Variants in KMT2C observed in about 807,000 individuals in gnomAD.
The protein encoded by KMT2C is lysine methyltransferase 2C.
In KMT2C, 88 loss-of-function variants were observed where a neutral mutation model predicts 507.9. The ratio of observed to expected loss-of-function variants is 0.17; its 90% CI spans 0.15 to 0.21. The LOEUF (loss-of-function observed/expected upper bound fraction) is 0.21. KMT2C is among the 10% of genes least tolerant of loss of function. The probability of loss-of-function intolerance (pLI) is 1.00; values close to 1 mark genes in which losing one functional copy is unlikely to be tolerated. For missense variants in KMT2C, 4,954 were observed against 5,957.8 expected, an observed-to-expected ratio of 0.83 and a Z score of 5.55; for synonymous variants, 2,049 against 2,080.8, an observed-to-expected ratio of 0.98 and a Z score of 0.42.
At chr7:152,302,889 C>T (rs1023322975) in intron 6 of KMT2C, among the ~76,000 whole-genome samples, 1 of 151,988 alleles carries the variant, frequency 6.6e-6, no homozygotes, top group African/African-American at 2.4e-5. Flanking sequence ...GGTGATCCAC[C>T]CGCCTCAGCC....
intron 1 of KMT2C, among the ~76,000 whole-genome samples, chr7:152,388,676 A>G (rs1769701615): frequency 6.6e-6 from 1 of 152,308 alleles, no homozygotes; most frequent in Non-Finnish European, 1.5e-5. Flanking sequence ...GTATGGCGAA[A>G]AAACACAATA....
intron 23 of KMT2C, among the ~76,000 whole-genome samples, chr7:152,215,650 A>G (rs559406941): frequency 5.4e-4 from 79 of 147,238 alleles, no homozygotes; most frequent in African/African-American, 2.0e-3. Context: ...GAAGGACAGT[A>G]AATAGTAGTA....
At chr7:152,272,863 T>C (rs1432847525) in intron 7 of KMT2C, among the ~76,000 whole-genome samples, 2 of 151,980 alleles carry the variant, frequency 1.3e-5, no homozygotes, top group Non-Finnish European at 2.9e-5. Flanking sequence ...CTGGAGAAGA[T>C]AGGAAAAAAG....
At chr7:152,365,918 C>G (rs750322922) in intron 1 of KMT2C, among the ~76,000 whole-genome samples, 6 of 151,952 alleles carry the variant, frequency 3.9e-5, no homozygotes, top group African/African-American at 9.7e-5. Context: ...AAAAACAACC[C>G]AACTCAAAAA....
rs571465802 is a variant in KMT2C, at chr7:152,418,090, G to A, written c.161+17536C>T. Among the ~76,000 whole-genome samples, 67 of 151,820 alleles carry A rather than the reference G, an allele frequency of 4.4e-4. 1 individual carries two copies. Among genetic ancestry groups the A allele is most frequent in the African/African-American group, 1.4e-3 (59 of 41,438 alleles). On this transcript the variant is annotated intron_variant, in intron 1 of 58. Transcript: ENST00000262189. ...CAAGTAGCTGGGACTACAGGTGTGCGCCACCACGCCCAGCTAATTTTTGTA... is the reference window on the plus strand; with the variant it reads ...CAAGTAGCTGGGACTACAGGTGTGCACCACCACGCCCAGCTAATTTTTGTA...
In KMT2C at chr7:152,358,695, TA is replaced by T. The variant is rs765736633; in HGVS notation, c.162-21del. The T allele has an allele frequency of 9.7e-6, 12 of 1,235,086 alleles. No homozygotes were observed. Among genetic ancestry groups the T allele is most frequent in the Non-Finnish European group, 1.2e-5 (10 of 855,312 alleles). The allele number at this position is 1,235,086 out of a possible 1,614,324, so 76.5% of individuals were successfully genotyped here. A position where few individuals can be genotyped will look rare whatever the true frequency, so the allele number is the denominator to read the frequency against. On this transcript the variant is annotated intron_variant, in intron 1 of 58. Coordinates refer to ENST00000262189, the MANE Select transcript of KMT2C (RefSeq NM_170606.3). ...CGAGGTCTACAGAAAAAAAAAAAAA[TA>T]ATAAGTACATAGAGTTAAATGTTAA... is the stretch of plus-strand genomic sequence containing the variant.
At chr7:152,434,994 G>C (rs377344325) in intron 1 of KMT2C, among the ~76,000 whole-genome samples, 78 of 152,164 alleles carry the variant, frequency 5.1e-4, no homozygotes, top group Non-Finnish European at 5.9e-5. Context: ...TTCGGAGCCC[G>C]GGAGTGCGGT....
At chr7:152,405,998 A>G in intron 1 of KMT2C, among the ~76,000 whole-genome samples, 1 of 152,394 alleles carries the variant, frequency 6.6e-6, no homozygotes, top group Non-Finnish European at 1.5e-5. Flanking sequence ...CAGAAAAAAA[A>G]AAAAGTTATC....
chr7:152,356,249 G>A (rs1294962268), intron 2 of KMT2C, among the ~76,000 whole-genome samples: 3 of 152,120 alleles, frequency 2.0e-5, no homozygotes, highest in African/African-American at 7.2e-5. Context: ...GAAGTTTCAG[G>A]AGAAAAGAAA....
chr7:152,253,358 G>GTT (rs1376379287), intron 9 of KMT2C, among the ~76,000 whole-genome samples: 9 of 151,722 alleles, frequency 5.9e-5, no homozygotes, highest in Non-Finnish European at 1.3e-4. Flanking sequence ...TTTTTGTGGA[G>GTT]TAAGTCTGCT....
intron 48 of KMT2C, among the ~76,000 whole-genome samples, chr7:152,153,731 TAAAA>T: frequency 7.7e-6 from 1 of 129,444 alleles, no homozygotes; most frequent in African/African-American, 2.7e-5. Context: ...GTGTCTCTAT[TAAAA>T]AAAAAAAAAA....
At chr7:152,249,022 A>C (rs192677014) in intron 13 of KMT2C, among the ~76,000 whole-genome samples, 5 of 152,330 alleles carry the variant, frequency 3.3e-5, no homozygotes, top group Admixed American at 3.3e-4. Context: ...CTATAGACTC[A>C]AAAGCACAGA....
chr7:152,300,700 C>T (rs1391341932), intron 6 of KMT2C, among the ~76,000 whole-genome samples: 1 of 152,198 alleles, frequency 6.6e-6, no homozygotes, highest in East Asian at 1.9e-4. Flanking sequence ...AACATGGAGG[C>T]AGTCTTGTGG....
intron 2 of KMT2C, among the ~76,000 whole-genome samples, chr7:152,342,615 CA>C (rs893750251): frequency 7.9e-5 from 12 of 152,110 alleles, no homozygotes; most frequent in Non-Finnish European, 1.6e-4. Context: ...TCCATGGGTA[CA>C]AAAACCTGAA....
chr7:152,307,020 G>A (rs116182275), intron 6 of KMT2C, among the ~76,000 whole-genome samples: 1,943 of 152,194 alleles, frequency 0.013, 33 homozygotes, highest in African/African-American at 0.043. Context: ...CTAGTTAGGC[G>A]AGGTGGCGCA....
chr7:152,375,572 G>C (rs767708085), intron 1 of KMT2C, among the ~76,000 whole-genome samples: 3 of 150,724 alleles, frequency 2.0e-5, no homozygotes, highest in Non-Finnish European at 4.4e-5. Flanking sequence ...TTTTAGTAGA[G>C]ACAGGGTTTC....
At chr7:152,389,848 G>T (rs2116535846) in intron 1 of KMT2C, among the ~76,000 whole-genome samples, 1 of 152,150 alleles carries the variant, frequency 6.6e-6, no homozygotes, top group African/African-American at 2.4e-5. Context: ...CGCAAAAAAA[G>T]GTAAAAATAT....
intron 1 of KMT2C, among the ~76,000 whole-genome samples, chr7:152,430,184 GAA>G (rs59960992): frequency 1.1e-5 from 1 of 87,126 alleles, no homozygotes; most frequent in Admixed American, 1.2e-4. Flanking sequence ...TCAAAAAAAA[GAA>G]AAAAAAAAAA....
chr7:152,301,078 A>C (rs2096562886), intron 6 of KMT2C, among the ~76,000 whole-genome samples: 1 of 150,966 alleles, frequency 6.6e-6, no homozygotes, highest in Non-Finnish European at 1.5e-5. Flanking sequence ...AAAAACTATA[A>C]AGGGCTGGGC....
Sources: gnomAD v4.1 joint callset for allele counts (sites outside exome capture counted in the v4.1 genomes callset) on GRCh38, gnomAD v4.1.1 for gene constraint, MANE v1.5 for transcripts, NCBI Gene and HGNC (gene_info 2026-07-23, HGNC 2026-07-21) for gene names.